Variants in NRF1 observed in about 807,000 individuals in gnomAD.
The protein encoded by NRF1 is alpha palindromic-binding protein.
A neutral mutation model predicts 58.5 loss-of-function variants in NRF1; 5 were observed. The ratio of observed to expected loss-of-function variants is 0.09; its 90% confidence interval spans 0.04 to 0.18. The LOEUF is 0.18. Ranked by LOEUF, NRF1 falls within the 10% of genes least tolerant of loss-of-function variation. The probability of loss-of-function intolerance (pLI) is 1.00; values close to 1 mark genes in which losing one functional copy is unlikely to be tolerated. For synonymous variants in NRF1, 224 were observed against 246.7 expected, an observed-to-expected ratio of 0.91 and a Z score of 0.86; for missense variants, 288 against 657.7, an observed-to-expected ratio of 0.44 and a Z score of 6.15.
At position 129,741,667 on chromosome 7, in the gene NRF1, T is replaced by C. The variant is rs1419966924; in HGVS notation, c.1349-13351T>C. 6.6e-6 allele frequency among the ~76,000 whole-genome samples: 1 copy of C among 152,224 alleles called. No individual in the cohort carries two copies. Among genetic ancestry groups the C allele is most frequent in the African/African-American group, 2.4e-5 (1 of 41,458 alleles). On this transcript the variant is annotated intron_variant, in intron 10 of 10. Transcript: ENST00000393232. The surrounding 1 kb of genome is among the most constrained non-coding windows in gnomAD (Gnocchi z 4.0). Reference sequence around the variant, plus strand: ...AATTCTTATAAAGTTTTTCAGGTTCTTGGGTAAAGGGGACTTTCCTCTTTT... The same window carrying C: ...AATTCTTATAAAGTTTTTCAGGTTCCTGGGTAAAGGGGACTTTCCTCTTTT...
At chr7:129,661,800 C>T (rs941873604) in intron 2 of NRF1, among the ~76,000 whole-genome samples, 4 of 150,982 alleles carry the variant, frequency 2.6e-5, no homozygotes, top group Non-Finnish European at 5.9e-5. Flanking sequence ...TCCAAAGTCA[C>T]TTCCACATTT....
intron 9 of NRF1, among the ~76,000 whole-genome samples, chr7:129,720,742 T>C (rs748189541): frequency 3.3e-5 from 5 of 152,126 alleles, no homozygotes; most frequent in African/African-American, 1.2e-4. Flanking sequence ...TCAACCACGC[T>C]GTTAAGAGAA....
chr7:129,709,989 C>T (rs568713126), intron 6 of NRF1, among the ~76,000 whole-genome samples: 101 of 152,260 alleles, frequency 6.6e-4, no homozygotes, highest in African/African-American at 2.3e-3. Context: ...CTCAGCCTCC[C>T]AAAGTGCTGG....
At position 129,754,464 on chromosome 7, in the gene NRF1, TA is replaced by T. The variant is rs57595268; in HGVS notation, c.1349-535del. Among the ~76,000 whole-genome samples the T allele has an allele frequency of 1.7e-3, 88 of 51,206 alleles. 1 individual carries two copies. Among genetic ancestry groups the T allele is most frequent in the South Asian group, 3.4e-3 (3 of 876 alleles). The allele number at this position is 51,206 out of a possible 152,430, so 33.6% of individuals were successfully genotyped here. On this transcript the variant is annotated intron_variant, in intron 10 of 10. Coordinates refer to ENST00000393232, the MANE Select transcript of NRF1 (RefSeq NM_005011.5). ...GGCTACAGAGCCAGACCCTGTCTCT[TA>T]AAAAAAAAAAAAAAAAAAGTTAAAA...
intron 2 of NRF1, among the ~76,000 whole-genome samples, chr7:129,658,596 GA>G (rs35139001): frequency 0.17 from 18,539 of 112,256 alleles, 1,383 homozygotes; most frequent in Admixed American, 0.29. Flanking sequence ...GTGTCCAGTT[GA>G]AAAAAAAAAA....
chr7:129,635,208 G>A (rs1801141980), intron 1 of NRF1, among the ~76,000 whole-genome samples: 1 of 152,202 alleles, frequency 6.6e-6, no homozygotes, highest in South Asian at 2.1e-4. Context: ...AATCTTCAGA[G>A]ATGGGAAAAG....
chr7:129,613,117 GAGC>G, intron 1 of NRF1, among the ~76,000 whole-genome samples: 1 of 152,248 alleles, frequency 6.6e-6, no homozygotes, highest in East Asian at 1.9e-4. Context: ...TAGTGTGAGT[GAGC>G]CTGTCAGCTT....
chr7:129,691,428 C>T (rs1298158756), intron 5 of NRF1, among the ~76,000 whole-genome samples: 1 of 142,704 alleles, frequency 7.0e-6, no homozygotes, highest in Admixed American at 7.4e-5. Context: ...GTGGTGTGAT[C>T]TTGGCTCACT....
At chr7:129,669,872 C>G (rs1402499322) in intron 2 of NRF1, among the ~76,000 whole-genome samples, 1 of 152,104 alleles carries the variant, frequency 6.6e-6, no homozygotes, top group Non-Finnish European at 1.5e-5. Context: ...AATCAGGACC[C>G]CAAAGAGATA....
chr7:129,630,052 C>T (rs1488320966), intron 1 of NRF1: 1 of 152,220 alleles, frequency 6.6e-6, no homozygotes, highest in East Asian at 1.9e-4. Context: ...GAGGGTCGAA[C>T]TAATCATCCT....
rs1803835790 is a variant in NRF1, at chr7:129,741,097, T to C, written c.1348+13732T>C. Among the ~76,000 whole-genome samples, 1 of 152,216 alleles carries C rather than the reference T, an allele frequency of 6.6e-6. No individual in the cohort carries two copies. The highest frequency in any genetic ancestry group is 1.5e-5 in the Non-Finnish European group (1 of 68,042). ...TTTTGTTTTTCTGTACTTCAATAGATGCAAATTCATTTACTCTTTGGTCTG... is the reference window on the plus strand; with the variant it reads ...TTTTGTTTTTCTGTACTTCAATAGACGCAAATTCATTTACTCTTTGGTCTG... On this transcript the variant is annotated intron_variant, in intron 10 of 10. Coordinates refer to ENST00000393232, the MANE Select transcript of NRF1 (RefSeq NM_005011.5). The surrounding 1 kb of genome is among the most constrained non-coding windows in gnomAD (Gnocchi z 4.0).
At chr7:129,662,775 T>C (rs1170789464) in intron 2 of NRF1, among the ~76,000 whole-genome samples, 1 of 152,184 alleles carries the variant, frequency 6.6e-6, no homozygotes, top group Admixed American at 6.5e-5. Context: ...TTTTAGTATT[T>C]ATTGATCATT....
chr7:129,675,609 G>T (rs778357602), intron 3 of NRF1, among the ~76,000 whole-genome samples: 1 of 152,168 alleles, frequency 6.6e-6, no homozygotes, highest in Non-Finnish European at 1.5e-5. Context: ...GTACGTCTCC[G>T]TTAGAGCTCT....
At chr7:129,721,301 T>C (rs1429003456) in intron 9 of NRF1, among the ~76,000 whole-genome samples, 3 of 152,150 alleles carry the variant, frequency 2.0e-5, no homozygotes, top group Non-Finnish European at 4.4e-5. Context: ...TGATAGTATA[T>C]TGTTAACACT....
intron 2 of NRF1, 31 bp downstream of exon 2, chr7:129,657,605 T>A: frequency 7.3e-7 from 1 of 1,368,274 alleles, no homozygotes. Flanking sequence ...AGCTCTTCTT[T>A]AATTTTTTTT....
chr7:129,650,247 T>C (rs1189793532), intron 1 of NRF1, among the ~76,000 whole-genome samples: 2 of 151,992 alleles, frequency 1.3e-5, no homozygotes, highest in African/African-American at 4.8e-5. Context: ...TATGCTGTTT[T>C]ATTTGAATGT....
chr7:129,714,266 A>T (rs948989035), intron 8 of NRF1, among the ~76,000 whole-genome samples: 4 of 152,202 alleles, frequency 2.6e-5, no homozygotes, highest in Non-Finnish European at 4.4e-5. Flanking sequence ...ATATGGCAGC[A>T]TTCTAATGCC....
chr7:129,723,525 A>G (rs148195774), intron 9 of NRF1, among the ~76,000 whole-genome samples: 26 of 152,292 alleles, frequency 1.7e-4, no homozygotes, highest in African/African-American at 6.0e-4. Context: ...ATTAAAAATT[A>G]AGGGCCTAGG....
chr7:129,707,731 C>T (rs1802985022), intron 5 of NRF1, among the ~76,000 whole-genome samples: 1 of 152,038 alleles, frequency 6.6e-6, no homozygotes, highest in Admixed American at 6.6e-5. Context: ...ATCCTGTAGG[C>T]AGGAGACTGT....
Sources: gnomAD v4.1 joint callset for allele counts (sites outside exome capture counted in the v4.1 genomes callset) on GRCh38, gnomAD v4.1.1 for gene constraint, Gnocchi (gnomAD v3.1) non-coding constraint, MANE v1.5 for transcripts, NCBI Gene and HGNC (gene_info 2026-07-23, HGNC 2026-07-21) for gene names.